The following FXYD2 variants were observed in gnomAD, a reference collection of about 807,000 sequenced individuals.
FXYD2 encodes sodium/potassium-transporting ATPase subunit gamma.
In FXYD2, 8 loss-of-function variants were observed where a neutral mutation model predicts 11.8. The ratio of observed to expected loss-of-function variants is 0.68; its 90% CI spans 0.40 to 1.22. FXYD2 has a LOEUF of 1.22. Ranked by LOEUF, FXYD2 falls within the 50% of genes most tolerant of loss-of-function variation. The pLI is 0.01. For synonymous variants in FXYD2, 42 were observed against 33.3 expected, an observed-to-expected ratio of 1.26 and a Z score of -0.90; for missense variants, 92 against 91.8, an observed-to-expected ratio of 1.00 and a Z score of -0.01.
chr11:117,821,225 TAA>T, intron 3 of FXYD2: 1 of 496,754 alleles, frequency 2.0e-6, no homozygotes, highest in South Asian at 7.8e-5. Flanking sequence ...CCCAGCTAAT[TAA>T]AAAAATTTTT....
intron 4 of FXYD2, 34 bp from the exon 5 acceptor site, chr11:117,820,730 G>A (rs2055879941): frequency 6.2e-7 from 1 of 1,613,700 alleles, no homozygotes; most frequent in Non-Finnish European, 8.5e-7. Flanking sequence ...AGGTGAGAGG[G>A]CAGGGGGAGG....
chr11:117,820,593 G>C, intron 5 of FXYD2, 73 bp downstream of exon 5: 1 of 1,586,424 alleles, frequency 6.3e-7, no homozygotes. Flanking sequence ...GAGTCCAGGA[G>C]CCAGAATTCT....
rs375348085 is a variant in FXYD2 at position 117,822,876 on chromosome 11, C to T, written c.26-159G>A. Among the ~76,000 whole-genome samples, 2 of 152,120 alleles carry T rather than the reference C, an allele frequency of 1.3e-5. No homozygotes were observed. The highest frequency in any genetic ancestry group is 4.8e-5 in the African/African-American group (2 of 41,408). ...GGGGTGTTGCTAAAACCATTGCCAG[C>T]AGGCTTCTGCTCCAGGCGGCTTCAG... On this transcript the variant is annotated intron_variant, in intron 1 of 5. Transcript: ENST00000292079. This position sits in a 1 kb window ranked among gnomAD's most constrained non-coding sequence, Gnocchi z 4.7.
chr11:117,823,700 C>T (rs933590088), intron 1 of FXYD2, among the ~76,000 whole-genome samples: 2 of 152,252 alleles, frequency 1.3e-5, no homozygotes, highest in Non-Finnish European at 2.9e-5. Flanking sequence ...CTTTCCTGCC[C>T]TGCCGGAGCC....
At chr11:117,827,106 A>G (rs762350639), upstream of FXYD2, among the ~76,000 whole-genome samples, 2 of 121,822 alleles carry the variant, frequency 1.6e-5, no homozygotes, top group Non-Finnish European at 3.5e-5. Flanking sequence ...ATAGATAGAT[A>G]GATAGATAGA....
In FXYD2 at chr11:117,824,130, C is replaced by A. The variant is rs1164121186; in HGVS notation, c.25+524G>T. On this transcript the variant is annotated intron_variant, in intron 1 of 5. Transcript: ENST00000292079. The surrounding 1 kb of genome is among the most constrained non-coding windows in gnomAD (Gnocchi z 4.0). ...TGCTGAGACCCTCCCTGCCCAGCAC[C>A]CTCCCCTTTCTGCATCTGGCTCAAA... is the stretch of plus-strand genomic sequence containing the variant. 5.1e-6 allele frequency: 1 copy of A among 195,480 alleles called. No individual in the cohort carries two copies. The highest frequency in any genetic ancestry group is 2.3e-5 in the African/African-American group (1 of 43,422). 12.1% of individuals were successfully genotyped at this position (195,480 alleles called of 1,614,324 possible). A position where few individuals can be genotyped will look rare whatever the true frequency, so the allele number is the denominator to read the frequency against.
upstream of FXYD2, among the ~76,000 whole-genome samples, chr11:117,825,146 TG>T (rs2056007097): frequency 6.6e-6 from 1 of 152,208 alleles, no homozygotes; most frequent in Non-Finnish European, 1.5e-5. Context: ...CCGCTGCAGC[TG>T]GTGTTCCTTA....
chr11:117,820,649 A>G lies in FXYD2; in HGVS notation c.*6+17T>C. ...GCCCTGCCCTCCCCGCACCTTCCCC[A>G]GGCCCTCCTAGCATACCTGCTGTTA... On this transcript the variant is annotated intron_variant, in intron 5 of 5. Transcript: ENST00000292079. 6.2e-7 allele frequency: 1 copy of G among 1,613,516 alleles called. No individual in the cohort carries two copies. The highest frequency in any genetic ancestry group is 8.5e-7 in the Non-Finnish European group (1 of 1,179,694).
In FXYD2 at chr11:117,820,690, G is replaced by C; in HGVS notation, c.183C>G (p.Ile61Met). 1 of 1,613,950 alleles carries C rather than the reference G, an allele frequency of 6.2e-7. No homozygotes were observed. Residue 61 changes from isoleucine to methionine, a missense_variant, in exon 5 of 6, where the codon ATC (isoleucine) becomes ATG (methionine). Ile to Met is a conservative substitution (Grantham distance 10, BLOSUM62 1). Transcript: ENST00000292079. ...RCGGNKKRRQ[I>M]NEDEP ...CCTGCTGTTACGGCTCATCTTCATT[G>C]ATTTGCCTGGTGGGGGAAGGAAAAG...
Position 117,824,712 on chromosome 11 carries a change from C to T in FXYD2, c.-34G>A, listed in dbSNP as rs375591023. On this transcript the variant is annotated 5_prime_UTR_variant, in exon 1 of 6. Coordinates refer to ENST00000292079, the MANE Select transcript of FXYD2 (RefSeq NM_001680.5). This position sits in a 1 kb window ranked among gnomAD's most constrained non-coding sequence, Gnocchi z 4.0. ...GTGAATGGGCTGCCTCCACTCCCCT[C>T]TTCCTGCTGTCTCTGCTTTTTGGAG... 5.6e-4 allele frequency: 898 copies of T among 1,613,262 alleles called. No individual in the cohort carries two copies. Among genetic ancestry groups the T allele is most frequent in the Non-Finnish European group, 7.2e-4 (854 of 1,179,708 alleles).
intron 3 of FXYD2, 144 bp from the exon 4 acceptor site, chr11:117,821,039 CTATTTTATTTTATATTT>C: frequency 2.1e-6 from 2 of 933,256 alleles, no homozygotes; most frequent in Non-Finnish European, 3.2e-6. Context: ...TTGACTGTCT[CTATTTTATTTTATATTT>C]TATTTTATTT....
At chr11:117,821,133 T>G (rs931069558) in intron 3 of FXYD2, 5 of 426,030 alleles carry the variant, frequency 1.2e-5, no homozygotes. Context: ...CGTAGCTCAC[T>G]GCAGCCTCAA....
chr11:117,821,636 A>G, intron 3 of FXYD2: 1 of 985,972 alleles, frequency 1.0e-6, no homozygotes, highest in Non-Finnish European at 1.2e-6. Flanking sequence ...GGGAGCTGCC[A>G]CGGGCAACAT....
Position 117,822,248 on chromosome 11 carries a change from G to A in FXYD2, c.139+158C>T. The A allele has an allele frequency of 1.3e-6, 2 of 1,516,788 alleles. No homozygotes were observed. Among genetic ancestry groups the A allele is most frequent in the Non-Finnish European group, 1.8e-6 (2 of 1,132,204 alleles). 94.0% of individuals were successfully genotyped at this position (1,516,788 alleles called of 1,614,324 possible). ...CTCACACTGTGCTCCCAGCGAGCCT[G>A]GCACCCCACCGGGCACCCATTCCCA... On this transcript the variant is annotated intron_variant, in intron 3 of 5. Transcript: ENST00000292079. The surrounding 1 kb of genome is among the most constrained non-coding windows in gnomAD (Gnocchi z 4.7).
intron 3 of FXYD2, chr11:117,821,875 CT>C (rs1315509787): frequency 3.4e-5 from 34 of 1,000,132 alleles, no homozygotes; most frequent in Non-Finnish European, 4.1e-5. Flanking sequence ...GTGTATTTTT[CT>C]TTGGGTTGGA....
chr11:117,822,744 G>C lies in FXYD2; in HGVS notation c.26-27C>G. The C allele has an allele frequency of 6.2e-7, 1 of 1,604,924 alleles. No individual in the cohort carries two copies. The highest frequency in any genetic ancestry group is 1.1e-5 in the South Asian group (1 of 89,142). ...TAGGAGAGAGCCAGAGGTGGGATGA[G>C]AGGAGTCACCGATGGTGAGCCAGCC... On this transcript the variant is annotated intron_variant, in intron 1 of 5. Transcript: ENST00000292079. This position sits in a 1 kb window ranked among gnomAD's most constrained non-coding sequence, Gnocchi z 4.7.
intron 3 of FXYD2, chr11:117,821,519 C>A (rs369939549): frequency 2.6e-4 from 253 of 985,924 alleles, no homozygotes; most frequent in Non-Finnish European, 2.9e-4. Flanking sequence ...CACAGCTGCC[C>A]GATGAACACC....
rs200896094 is a variant in FXYD2 at position 117,824,696 on chromosome 11, C to T, written c.-18G>A. ...CCAGTCATTTCCCCAGGTGAATGGG[C>T]TGCCTCCACTCCCCTCTTCCTGCTG... On this transcript the variant is annotated 5_prime_UTR_variant, in exon 1 of 6. Coordinates refer to ENST00000292079, the MANE Select transcript of FXYD2 (RefSeq NM_001680.5). The surrounding 1 kb of genome is among the most constrained non-coding windows in gnomAD (Gnocchi z 4.0). 1.1e-5 allele frequency: 18 copies of T among 1,613,806 alleles called. No individual in the cohort carries two copies. The highest frequency in any genetic ancestry group is 3.3e-4 in the Middle Eastern group (2 of 6,062).
Position 117,822,595 on chromosome 11 carries a change from C to T in FXYD2, c.64+84G>A. On this transcript the variant is annotated intron_variant, in intron 2 of 5. Coordinates refer to ENST00000292079, the MANE Select transcript of FXYD2 (RefSeq NM_001680.5). The surrounding 1 kb of genome is among the most constrained non-coding windows in gnomAD (Gnocchi z 4.7). ...ACCAGGGGAGATAAGGGGCACAGAG[C>T]ATGGACCTGGGGCTGGGAGAGGCCG... 6.3e-7 allele frequency: 1 copy of T among 1,575,502 alleles called. No individual in the cohort carries two copies. The highest frequency in any genetic ancestry group is 2.3e-5 in the East Asian group (1 of 43,464).
Sources: allele counts gnomAD v4.1 joint callset (sites outside exome capture counted in the v4.1 genomes callset), GRCh38; gene constraint gnomAD v4.1.1; non-coding constraint Gnocchi (gnomAD v3.1); transcripts MANE v1.5; gene names NCBI Gene and HGNC (gene_info 2026-07-23, HGNC 2026-07-21).